The following PTPRQ variants were observed in gnomAD, a reference collection of about 807,000 sequenced individuals.
The protein encoded by PTPRQ is protein tyrosine phosphatase receptor type Q.
A neutral mutation model predicts 246.0 loss-of-function variants in PTPRQ; 199 were observed. The ratio of observed to expected loss-of-function variants is 0.81; its 90% confidence interval spans 0.72 to 0.91. PTPRQ has a LOEUF of 0.91. Ranked by LOEUF, PTPRQ falls within the 40% of genes least tolerant of loss-of-function variation. The probability of loss-of-function intolerance (pLI) is 0.00; values close to 1 mark genes in which losing one functional copy is unlikely to be tolerated. For synonymous variants in PTPRQ, 869 were observed against 853.2 expected (o/e 1.02, Z -0.32); for missense variants, 2,624 against 2,528.4 (o/e 1.04, Z -0.81).
At chr12:80,584,166 T>C (rs1352333659) in intron 25 of PTPRQ, 2 of 152,134 alleles carry the variant, frequency 1.3e-5, no homozygotes, top group African/African-American at 4.8e-5. Flanking sequence ...TAGCTTTCCA[T>C]CTGTACCTAG....
Position 80,648,912 on chromosome 12 carries a change from A to G in PTPRQ, c.5931A>G (p.Arg1977=). The part of the protein sequence containing the change: ...DERLTRLLSY[R]KSIKPISKKS... ...TCTATTGCAGGTTACTTAGTTATAGAAAATCCATCAAGTAAGTTTGTTAAA... is the reference window on the plus strand; with the variant it reads ...TCTATTGCAGGTTACTTAGTTATAGGAAATCCATCAAGTAAGTTTGTTAAA... Residue 1977 remains arginine (R), a synonymous_variant, in exon 36 of 45, where the codon AGA becomes AGG. Coordinates refer to ENST00000644991, the MANE Select transcript of PTPRQ (RefSeq NM_001145026.2). 8 of 1,523,774 alleles carry G rather than the reference A, an allele frequency of 5.3e-6. No homozygotes were observed. The highest frequency in any genetic ancestry group is 6.2e-6 in the Non-Finnish European group (7 of 1,135,204). The allele number at this position is 1,523,774 out of a possible 1,614,324, so 94.4% of individuals were successfully genotyped here.
chr12:80,516,544 C>T (rs993304347), intron 17 of PTPRQ, among the ~76,000 whole-genome samples: 2 of 152,080 alleles, frequency 1.3e-5, no homozygotes, highest in Non-Finnish European at 2.9e-5. Context: ...AAAACACTTG[C>T]CAAAGAATAT....
intron 20 of PTPRQ, among the ~76,000 whole-genome samples, chr12:80,540,733 A>C (rs1359387163): frequency 2.6e-5 from 4 of 152,142 alleles, no homozygotes; most frequent in African/African-American, 9.6e-5. Flanking sequence ...CAACATAAAA[A>C]TAAATGATAA....
rs1901239285 is a variant in PTPRQ, at chr12:80,679,133, T to G, written c.*110T>G. 7.5e-7 allele frequency: 1 copy of G among 1,329,120 alleles called. No individual in the cohort carries two copies. Among genetic ancestry groups the G allele is most frequent in the Admixed American group, 2.9e-5 (1 of 35,042 alleles). The allele number at this position is 1,329,120 out of a possible 1,614,324, so 82.3% of individuals were successfully genotyped here. A position where few individuals can be genotyped will look rare whatever the true frequency, so the allele number is the denominator to read the frequency against. ...TGCAACCTTAAAGAAATATCTATGC[T>G]TCTCTCACTGTGCCTTTCCAAACGG... On this transcript the variant is annotated 3_prime_UTR_variant, in exon 45 of 45. Transcript: ENST00000644991.
intron 35 of PTPRQ, among the ~76,000 whole-genome samples, chr12:80,643,808 T>C (rs1899976112): frequency 6.6e-6 from 1 of 152,222 alleles, no homozygotes; most frequent in Non-Finnish European, 1.5e-5. Context: ...TCACACTCAG[T>C]ATCATACAAA....
rs1203650037 is a variant in PTPRQ, at chr12:80,541,835, T to A, written c.3435T>A (p.Thr1145=). ...ATACTGCCCAGCTATACATCAAGAC[T>A]GAAGAAGATGGTAGGCTAGACCCTT... ...DTYTAQLYIK[T]EEDVPETSPI... Residue 1145 remains threonine, a synonymous_variant, in exon 21 of 45, where the codon ACT becomes ACA. Transcript: ENST00000644991. 1.3e-6 allele frequency: 2 copies of A among 1,540,554 alleles called. No individual in the cohort carries two copies. The highest frequency in any genetic ancestry group is 2.8e-5 in the African/African-American group (2 of 72,520).
chr12:80,496,790 G>GATTCTTTCA (rs1894639410), intron 14 of PTPRQ, among the ~76,000 whole-genome samples: 1 of 151,996 alleles, frequency 6.6e-6, no homozygotes, highest in Non-Finnish European at 1.5e-5. Context: ...AGAAACCAAG[G>GATTCTTTCA]ATTCTTTCAA....
chr12:80,654,632 G>C (rs957036142), intron 38 of PTPRQ, among the ~76,000 whole-genome samples: 1 of 151,118 alleles, frequency 6.6e-6, no homozygotes, highest in African/African-American at 2.4e-5. Flanking sequence ...CAGATCACTT[G>C]AGGTCAGAAG....
intron 8 of PTPRQ, among the ~76,000 whole-genome samples, chr12:80,473,005 T>C (rs1421547262): frequency 1.3e-5 from 2 of 148,540 alleles, no homozygotes; most frequent in South Asian, 4.2e-4. Context: ...AACTTATAAA[T>C]GAAATGTAGA....
intron 35 of PTPRQ, among the ~76,000 whole-genome samples, chr12:80,642,927 A>ATAAC (rs1899927938): frequency 6.8e-6 from 1 of 147,576 alleles, no homozygotes; most frequent in African/African-American, 2.6e-5. Flanking sequence ...CTTAAAAAAA[A>ATAAC]AAAAAAAAAA....
intron 16 of PTPRQ, among the ~76,000 whole-genome samples, chr12:80,508,059 C>T (rs1297306917): frequency 6.6e-6 from 1 of 151,858 alleles, no homozygotes; most frequent in Non-Finnish European, 1.5e-5. Context: ...GACGTTTTAC[C>T]ACTCAAGTCA....
intron 27 of PTPRQ, among the ~76,000 whole-genome samples, chr12:80,609,615 G>A (rs1898472232): frequency 1.3e-5 from 2 of 150,508 alleles, no homozygotes; most frequent in South Asian, 4.1e-4. Flanking sequence ...AAATCATATA[G>A]CTACATTTCA....
chr12:80,549,824 T>C, intron 25 of PTPRQ, 90 bp downstream of exon 25: 1 of 1,429,160 alleles, frequency 7.0e-7, no homozygotes, highest in Non-Finnish European at 9.2e-7. Flanking sequence ...AGCATACTTA[T>C]CTAAACATAC....
chr12:80,585,209 C>T (rs899494461), intron 25 of PTPRQ, among the ~76,000 whole-genome samples: 13 of 152,162 alleles, frequency 8.5e-5, no homozygotes, highest in South Asian at 4.1e-4. Context: ...ACCCCTCTTA[C>T]GGTCACCCAC....
intron 3 of PTPRQ, among the ~76,000 whole-genome samples, chr12:80,448,915 G>A (rs1487312865): frequency 2.0e-5 from 3 of 146,950 alleles, no homozygotes; most frequent in African/African-American, 7.5e-5. Flanking sequence ...GGGTCAAATG[G>A]TATTTCTAGT....
At chr12:80,479,454 A>G (rs1211186608) in intron 8 of PTPRQ, among the ~76,000 whole-genome samples, 14 of 151,452 alleles carry the variant, frequency 9.2e-5, no homozygotes, top group Admixed American at 3.3e-4. Context: ...GAGACTAGGA[A>G]GAAACTGCAT....
chr12:80,515,022 T>C (rs1197716401), intron 17 of PTPRQ, among the ~76,000 whole-genome samples: 1 of 138,304 alleles, frequency 7.2e-6, no homozygotes, highest in African/African-American at 2.6e-5. Context: ...TATGCTTTAG[T>C]ATCTTATTAA....
intron 42 of PTPRQ, among the ~76,000 whole-genome samples, chr12:80,671,029 T>G (rs1900952957): frequency 6.6e-6 from 1 of 152,088 alleles, no homozygotes; most frequent in Non-Finnish European, 1.5e-5. Context: ...TTTAATATTT[T>G]TAACAGGAGT....
intron 27 of PTPRQ, among the ~76,000 whole-genome samples, chr12:80,605,704 C>T (rs1176727385): frequency 6.6e-6 from 1 of 150,874 alleles, no homozygotes; most frequent in South Asian, 2.1e-4. Context: ...AAGTAAGCCT[C>T]ATTCAAGAAA....
Sources: allele counts gnomAD v4.1 joint callset (sites outside exome capture counted in the v4.1 genomes callset), GRCh38; gene constraint gnomAD v4.1.1; transcripts MANE v1.5; gene names NCBI Gene and HGNC (gene_info 2026-07-23, HGNC 2026-07-21).